SNX7: variants seen among roughly 807,000 people sequenced by gnomAD.
SNX7 encodes sorting nexin-7.
Under a neutral mutation model 48.4 loss-of-function variants are expected in SNX7, and 35 were observed. That is an observed-to-expected ratio of 0.72 (90% CI 0.55 to 0.96). The LOEUF is 0.96. Among genes scored for constraint, SNX7 ranks in the 40% least tolerant of loss-of-function variants. The probability of loss-of-function intolerance (pLI) is 0.00; values close to 1 mark genes in which losing one functional copy is unlikely to be tolerated. For missense variants in SNX7, 553 were observed against 548.9 expected, an observed-to-expected ratio of 1.01 and a Z score of -0.07; for synonymous variants, 190 against 190.2, an observed-to-expected ratio of 1.00 and a Z score of 0.01.
chr1:98,679,983 G>T (rs1034107384), intron 1 of SNX7, among the ~76,000 whole-genome samples: 1 of 152,218 alleles, frequency 6.6e-6, no homozygotes, highest in East Asian at 1.9e-4. Context: ...GGGACTCTGT[G>T]TGGGGGCTCC....
intron 8 of SNX7, among the ~76,000 whole-genome samples, chr1:98,743,553 A>G (rs781172661): frequency 1.2e-4 from 18 of 152,082 alleles, no homozygotes; most frequent in Non-Finnish European, 2.4e-4. Context: ...TAGCCAGATG[A>G]ACAGTACTAC....
intron 8 of SNX7, among the ~76,000 whole-genome samples, chr1:98,758,449 A>G (rs144114917): frequency 6.6e-6 from 1 of 152,044 alleles, no homozygotes; most frequent in Non-Finnish European, 1.5e-5. Flanking sequence ...GGCTATTATT[A>G]TTATATATCT....
chr1:98,738,163 A>C (rs1338127417), intron 7 of SNX7, 74 bp from the exon 8 acceptor site: 10 of 1,501,548 alleles, frequency 6.7e-6, no homozygotes, highest in Non-Finnish European at 8.1e-6. Context: ...TATTTTGTTC[A>C]ACTTAAATTT....
intron 1 of SNX7, among the ~76,000 whole-genome samples, chr1:98,668,962 T>A (rs1406714652): frequency 6.6e-6 from 1 of 152,236 alleles, no homozygotes; most frequent in Admixed American, 6.5e-5. Flanking sequence ...TGTCCTTTTT[T>A]ACTAAGGCTG....
chr1:98,727,102 T>G (rs1225650746), intron 7 of SNX7, among the ~76,000 whole-genome samples: 2 of 152,076 alleles, frequency 1.3e-5, no homozygotes, highest in Admixed American at 6.6e-5. Flanking sequence ...CTCAGCTACT[T>G]GGCAAGCCAA....
At chr1:98,669,668 G>A (rs1649744297) in intron 1 of SNX7, among the ~76,000 whole-genome samples, 2 of 152,174 alleles carry the variant, frequency 1.3e-5, no homozygotes, top group Non-Finnish European at 2.9e-5. Flanking sequence ...ACTGATCTAG[G>A]TTGGTCCACT....
chr1:98,698,703 TAGA>T lies in SNX7; in HGVS notation c.839-1_840del, dbSNP rs1570535328. On this transcript the variant is annotated splice_acceptor_variant and coding_sequence_variant, in exon 6 of 9. Transcript: ENST00000306121. LOFTEE classifies it high-confidence loss of function. ...AGCTTATTAAGTCTTTTTTTTTTTT[TAGA>T]ATATTTTGATGAAATGAAAGAATAT... The T allele has an allele frequency of 6.9e-6, 11 of 1,597,174 alleles. No homozygotes were observed. The Admixed American group carries it at 7.0e-5, about 10-fold the overall frequency.
intron 7 of SNX7, among the ~76,000 whole-genome samples, chr1:98,706,240 G>A (rs567509893): frequency 3.9e-5 from 6 of 152,120 alleles, no homozygotes; most frequent in Admixed American, 6.6e-5. Flanking sequence ...AGTGATAAGC[G>A]TGGAGGAGAC....
At chr1:98,708,624 G>T (rs2100986492) in intron 7 of SNX7, among the ~76,000 whole-genome samples, 1 of 152,252 alleles carries the variant, frequency 6.6e-6, no homozygotes, top group South Asian at 2.1e-4. Flanking sequence ...CATGAGTGAT[G>T]CTGTAATCAA....
At chr1:98,661,965 G>A in intron 1 of SNX7, 54 bp downstream of exon 1, 1 of 1,243,142 alleles carries the variant, frequency 8.0e-7, no homozygotes, top group East Asian at 3.2e-5. Flanking sequence ...TCCGGGCGTT[G>A]CCAGCATTGC....
chr1:98,669,460 A>G (rs1473659248), intron 1 of SNX7, among the ~76,000 whole-genome samples: 3 of 152,186 alleles, frequency 2.0e-5, no homozygotes, highest in East Asian at 3.8e-4. Flanking sequence ...ACCATTTGCC[A>G]TTCACAGCTG....
chr1:98,716,207 C>T (rs578054985), intron 7 of SNX7, among the ~76,000 whole-genome samples: 1 of 152,260 alleles, frequency 6.6e-6, no homozygotes, highest in South Asian at 2.1e-4. Context: ...CTTTCACACC[C>T]TGCAAGGGCC....
intron 4 of SNX7, among the ~76,000 whole-genome samples, chr1:98,694,019 C>T (rs1262567745): frequency 1.3e-5 from 2 of 152,124 alleles, no homozygotes; most frequent in Non-Finnish European, 2.9e-5. Context: ...TTCTATTTTG[C>T]AAGTCTATAG....
At chr1:98,740,471 G>GTA (rs1308835861) in intron 8 of SNX7, among the ~76,000 whole-genome samples, 1 of 152,002 alleles carries the variant, frequency 6.6e-6, no homozygotes, top group Non-Finnish European at 1.5e-5. Flanking sequence ...CAAAACCTAA[G>GTA]TATATTAGGG....
At chr1:98,758,961 A>G (rs1654989690) in intron 8 of SNX7, among the ~76,000 whole-genome samples, 1 of 152,060 alleles carries the variant, frequency 6.6e-6, no homozygotes, top group African/African-American at 2.4e-5. Context: ...ATAAGTATAT[A>G]CATACATACT....
chr1:98,663,396 T>G (rs1460344771), intron 1 of SNX7, among the ~76,000 whole-genome samples: 1 of 151,658 alleles, frequency 6.6e-6, no homozygotes, highest in East Asian at 1.9e-4. Flanking sequence ...TGTTTTAAAC[T>G]TGTCAAGTGG....
At chr1:98,727,599 C>T (rs965845370) in intron 7 of SNX7, among the ~76,000 whole-genome samples, 1 of 152,004 alleles carries the variant, frequency 6.6e-6, no homozygotes, top group Non-Finnish European at 1.5e-5. Flanking sequence ...GGAGCATATT[C>T]TAACTCATTA....
intron 2 of SNX7, among the ~76,000 whole-genome samples, chr1:98,689,999 A>G (rs980490246): frequency 6.6e-6 from 1 of 152,164 alleles, no homozygotes; most frequent in Non-Finnish European, 1.5e-5. Context: ...TATTCTGAAC[A>G]TTCATTTTAA....
chr1:98,734,707 A>G (rs1301677983), intron 7 of SNX7, among the ~76,000 whole-genome samples: 1 of 152,206 alleles, frequency 6.6e-6, no homozygotes, highest in Non-Finnish European at 1.5e-5. Context: ...TTGAGCTTTT[A>G]GAATTAATGA....
Sources: allele counts gnomAD v4.1 joint callset (sites outside exome capture counted in the v4.1 genomes callset), GRCh38; gene constraint gnomAD v4.1.1; transcripts MANE v1.5; gene names NCBI Gene and HGNC (gene_info 2026-07-23, HGNC 2026-07-21).